Variants in CTU1 observed in about 807,000 individuals in gnomAD.
The protein encoded by CTU1 is cytoplasmic tRNA 2-thiolation protein 1.
In CTU1, 15 loss-of-function variants were observed where a neutral mutation model predicts 12.9. That is an observed-to-expected ratio of 1.16 (90% CI 0.78 to 1.79). The LOEUF is 1.79. CTU1 is among the 40% of genes most tolerant of loss of function. The pLI, the probability that CTU1 is intolerant of heterozygous loss-of-function variation, is 0.00. For missense variants in CTU1, 553 were observed against 550.5 expected (o/e 1.00, Z -0.05); for synonymous variants, 295 against 275.6 (o/e 1.07, Z -0.70).
At position 51,108,091 on chromosome 19, in the gene CTU1, G is replaced by A. The variant is rs966524459; in HGVS notation, c.-22+256C>T. 6.6e-6 allele frequency among the ~76,000 whole-genome samples: 1 copy of A among 152,120 alleles called. No homozygotes were observed. Among genetic ancestry groups the A allele is most frequent in the Non-Finnish European group, 1.5e-5 (1 of 68,024 alleles). On this transcript the variant is annotated intron_variant, in intron 1 of 2. Transcript: ENST00000421832. This position sits in a 1 kb window ranked among gnomAD's most constrained non-coding sequence, Gnocchi z 4.5. ...AGGACAGATAATGTGTGGCATGGGG[G>A]CGGGGACAGGCAGATAGTAACATAG...
chr19:51,104,661 T>A, intron 1 of CTU1, 71 bp from the exon 2 acceptor site: 1 of 1,124,550 alleles, frequency 8.9e-7, no homozygotes, highest in Non-Finnish European at 1.1e-6. Context: ...ATCGGGGAGA[T>A]TGTCTGGATT....
chr19:51,099,156 G>C lies in CTU1; in HGVS notation c.509-17C>G. The C allele has an allele frequency of 6.4e-7, 1 of 1,565,638 alleles. No homozygotes were observed. The highest frequency in any genetic ancestry group is 1.4e-5 in the African/African-American group (1 of 73,172). On this transcript the variant is annotated splice_polypyrimidine_tract_variant and intron_variant, in intron 2 of 2. Coordinates refer to ENST00000421832, the MANE Select transcript of CTU1 (RefSeq NM_145232.4). Reference sequence around the variant, plus strand: ...CGTTGTGACCTGGTGGGGAGAGAAGGGAGCGGGTGAGGTGGGGCGCGGAGG... The same window carrying C: ...CGTTGTGACCTGGTGGGGAGAGAAGCGAGCGGGTGAGGTGGGGCGCGGAGG...
chr19:51,104,231 GAGCGGCAGCTCCCAGCGC>G lies in CTU1; in HGVS notation c.321_338del (p.Arg108_Leu113del). The G allele has an allele frequency of 6.6e-7, 1 of 1,515,638 alleles. No individual in the cohort carries two copies. Among genetic ancestry groups the G allele is most frequent in the Non-Finnish European group, 8.8e-7 (1 of 1,138,098 alleles). The allele number at this position is 1,515,638 out of a possible 1,614,324, so 93.9% of individuals were successfully genotyped here. On this transcript the variant is annotated inframe_deletion, in exon 2 of 3. Transcript: ENST00000421832. ...AGAGGTCTTCGTAGGCCACGACCGT[GAGCGGCAGCTCCCAGCGC>G]GCCGCCTGGCGCCGCACGGCCGCCA...
rs554596578 is a variant in CTU1, at chr19:51,104,178, G to A, written c.392C>T (p.Ala131Val). Residue 131 changes from alanine (A) to valine (V), a missense_variant, in exon 2 of 3, where the codon GCC becomes GTC. Around this residue, in one of 2 missense-constraint regions of CTU1, gnomAD observed 500 missense variants for 458.5 expected, o/e 1.09. Coordinates refer to ENST00000421832, the MANE Select transcript of CTU1 (RefSeq NM_145232.4). ...GCGGCCGGAGCCGGCTGTGCTGCGGGCCACGGCGTCCATCGTCCAGCCCCC... is the reference window on the plus strand; with the variant it reads ...GCGGCCGGAGCCGGCTGTGCTGCGGACCACGGCGTCCATCGTCCAGCCCCC... ...LFGGWTMDAV[A>V]RSTAGSGRSR... The A allele has an allele frequency of 3.5e-5, 54 of 1,522,336 alleles. No individual in the cohort carries two copies. The highest frequency in any genetic ancestry group is 2.2e-4 in the South Asian group (18 of 82,432). 94.3% of individuals were successfully genotyped at this position (1,522,336 alleles called of 1,614,324 possible).
chr19:51,099,660 C>T (rs575604974), intron 2 of CTU1, among the ~76,000 whole-genome samples: 1 of 152,236 alleles, frequency 6.6e-6, no homozygotes, highest in Admixed American at 6.5e-5. Context: ...CCTTATCAGC[C>T]TCAGTTAAAA....
In CTU1 at chr19:51,099,477, G is replaced by A. The variant is rs140540300; in HGVS notation, c.509-338C>T. On this transcript the variant is annotated intron_variant, in intron 2 of 2. Transcript: ENST00000421832. The stretch of plus-strand genomic sequence containing the variant: ...GAGCCATGGAGACCCTCCGGGAACC[G>A]TGAAGCAGCCAGGTGCAGGCTGCAG... 3.5e-3 allele frequency among the ~76,000 whole-genome samples: 534 copies of A among 152,128 alleles called. 8 individuals carry two copies. The highest frequency in any genetic ancestry group is 0.016 in the South Asian group (78 of 4,822).
chr19:51,098,925 G>C lies in CTU1; in HGVS notation c.723C>G (p.Pro241=), dbSNP rs760861700. The C allele has an allele frequency of 5.2e-6, 8 of 1,530,272 alleles. 1 individual carries two copies. The Admixed American group carries it at 5.5e-5, about 10-fold the overall frequency. 94.8% of individuals were successfully genotyped at this position (1,530,272 alleles called of 1,614,324 possible). A position where few individuals can be genotyped will look rare whatever the true frequency, so the allele number is the denominator to read the frequency against. ...DYFSEECVYA[P]EAFRGHARDL... is the part of the protein sequence containing the mutation. ...CCCGGGCGTGGCCGCGGAAGGCCTC[G>C]GGCGCGTAGACGCACTCCTCGGAGA... Residue 241 remains proline (P), a synonymous_variant, in exon 3 of 3, where the codon CCC becomes CCG. Transcript: ENST00000421832. The surrounding 1 kb of genome is among the most constrained non-coding windows in gnomAD (Gnocchi z 4.3).
At position 51,099,060 on chromosome 19, in the gene CTU1, C is replaced by T; in HGVS notation, c.588G>A (p.Gly196=). Residue 196 remains glycine (G), a synonymous_variant, in exon 3 of 3, where the codon GGG becomes GGA. Transcript: ENST00000421832. Reference sequence around the variant, plus strand: ...CCCCCTCGCCGGGAGAGCCCAGGCCCCCGCCCCGGGCCAGCCGCCCCGCGT... The same window carrying T: ...CCCCCTCGCCGGGAGAGCCCAGGCCTCCGCCCCGGGCCAGCCGCCCCGCGT... The part of the protein sequence containing the change: ...RGDAGRLARG[G]GLGSPGEGGA... The T allele has an allele frequency of 6.6e-7, 1 of 1,518,506 alleles. No individual in the cohort carries two copies. Among genetic ancestry groups the T allele is most frequent in the Non-Finnish European group, 8.8e-7 (1 of 1,138,420 alleles). 94.1% of individuals were successfully genotyped at this position (1,518,506 alleles called of 1,614,324 possible).
intron 2 of CTU1, 60 bp from the exon 3 acceptor site, chr19:51,099,199 G>GC: frequency 1.1e-5 from 16 of 1,453,074 alleles, no homozygotes; most frequent in African/African-American, 1.4e-5. Flanking sequence ...TGGCCAGGGA[G>GC]CCCCCCGGGG....
Position 51,104,255 on chromosome 19 carries a change from C to G in CTU1, c.315G>C (p.Gln105His), listed in dbSNP as rs1357784653. The change falls in exon 2 of 3, where the codon CAG (glutamine) becomes CAC (histidine). Residue 105 changes from glutamine (Q) to histidine (H), a missense_variant. By Grantham distance (24) the Gln-to-His change is conservative. Around this residue, in one of 2 missense-constraint regions of CTU1, gnomAD observed 500 missense variants for 458.5 expected, o/e 1.09. Coordinates refer to ENST00000421832, the MANE Select transcript of CTU1 (RefSeq NM_145232.4). The stretch of plus-strand genomic sequence containing the variant: ...TGAGCGGCAGCTCCCAGCGCGCCGC[C>G]TGGCGCCGCACGGCCGCCAACGCCG... ...RDAALAAVRR[Q>H]AARWELPLTV... 6.6e-7 allele frequency: 1 copy of G among 1,508,460 alleles called. No individual in the cohort carries two copies. The highest frequency in any genetic ancestry group is 8.8e-7 in the Non-Finnish European group (1 of 1,134,492). 93.4% of individuals were successfully genotyped at this position (1,508,460 alleles called of 1,614,324 possible). A position where few individuals can be genotyped will look rare whatever the true frequency, so the allele number is the denominator to read the frequency against.
chr19:51,098,844 G>T lies in CTU1; in HGVS notation c.804C>A (p.His268Gln), dbSNP rs2091898848. 2.4e-6 allele frequency: 3 copies of T among 1,248,930 alleles called. No individual in the cohort carries two copies. Among genetic ancestry groups the T allele is most frequent in the Non-Finnish European group, 3.0e-6 (3 of 988,116 alleles). The allele number at this position is 1,248,930 out of a possible 1,614,324, so 77.4% of individuals were successfully genotyped here. A position where few individuals can be genotyped will look rare whatever the true frequency, so the allele number is the denominator to read the frequency against. ...ARPSAVLDLV[H>Q]SAERLALAPA... ...GGGCCAGCGCCAGGCGCTCGGCCGA[G>T]TGCACGAGGTCCAGCACCGCGGACG... Residue 268 changes from histidine (H) to glutamine (Q), a missense_variant, in exon 3 of 3, where the codon CAC (histidine) becomes CAA (glutamine). His to Gln is a conservative substitution (Grantham distance 24). This residue lies in a region of CTU1 where 500 missense variants were observed against 458.5 expected (regional missense o/e 1.09). Transcript: ENST00000421832. This position sits in a 1 kb window ranked among gnomAD's most constrained non-coding sequence, Gnocchi z 4.3.
intron 2 of CTU1, among the ~76,000 whole-genome samples, chr19:51,102,630 C>T (rs996230823): frequency 6.6e-6 from 1 of 152,204 alleles, no homozygotes; most frequent in African/African-American, 2.4e-5. Context: ...CCAGGTTCCT[C>T]GCCATGGCCT....
Position 51,104,488 on chromosome 19 carries a change from C to A in CTU1, c.82G>T (p.Ala28Ser). 7.6e-7 allele frequency: 1 copy of A among 1,315,544 alleles called. No homozygotes were observed. Among genetic ancestry groups the A allele is most frequent in the Non-Finnish European group, 9.7e-7 (1 of 1,035,106 alleles). The allele number at this position is 1,315,544 out of a possible 1,614,324, so 81.5% of individuals were successfully genotyped here. The change falls in exon 2 of 3, where the codon GCC becomes TCC. Residue 28 changes from alanine to serine, a missense_variant. This residue lies in a region of CTU1 where 500 missense variants were observed against 458.5 expected (regional missense o/e 1.09). Coordinates refer to ENST00000421832, the MANE Select transcript of CTU1 (RefSeq NM_145232.4). ...RPLSGQALCG[A>S]CFCAAFEAEV... Reference sequence around the variant, plus strand: ...GCCTCGAAGGCGGCGCAGAAGCAGGCACCGCACAGCGCTTGGCCCGAGAGC... The same window carrying A: ...GCCTCGAAGGCGGCGCAGAAGCAGGAACCGCACAGCGCTTGGCCCGAGAGC...
chr19:51,099,083 C>A lies in CTU1; in HGVS notation c.565G>T (p.Ala189Ser). Reference sequence around the variant, plus strand: ...CCCCCGCCCCGGGCCAGCCGCCCCGCGTCGCCCCGTAGGAAGTTCATGAGC... The same window carrying A: ...CCCCCGCCCCGGGCCAGCCGCCCCGAGTCGCCCCGTAGGAAGTTCATGAGC... ...TVLMNFLRGD[A>S]GRLARGGGLG... Residue 189 changes from alanine to serine, a missense_variant, in exon 3 of 3, where the codon GCG (alanine) becomes TCG (serine). This residue lies in a region of CTU1 where 500 missense variants were observed against 458.5 expected (regional missense o/e 1.09). Coordinates refer to ENST00000421832, the MANE Select transcript of CTU1 (RefSeq NM_145232.4). 2 of 1,539,198 alleles carry A rather than the reference C, an allele frequency of 1.3e-6. No individual in the cohort carries two copies. The highest frequency in any genetic ancestry group is 1.7e-6 in the Non-Finnish European group (2 of 1,150,614).
chr19:51,104,488 C>G lies in CTU1; in HGVS notation c.82G>C (p.Ala28Pro). ...RPLSGQALCGACFCAAFEAEV... is the reference protein window; with the variant it reads ...RPLSGQALCGPCFCAAFEAEV... The stretch of plus-strand genomic sequence containing the variant: ...GCCTCGAAGGCGGCGCAGAAGCAGG[C>G]ACCGCACAGCGCTTGGCCCGAGAGC... The change falls in exon 2 of 3, where the codon GCC becomes CCC. Residue 28 changes from alanine to proline, a missense_variant. Physicochemically the swap from Ala to Pro is conservative, Grantham distance 27. Transcript: ENST00000421832. 1 of 1,315,544 alleles carries G rather than the reference C, an allele frequency of 7.6e-7. No individual in the cohort carries two copies. The highest frequency in any genetic ancestry group is 9.7e-7 in the Non-Finnish European group (1 of 1,035,106). The allele number at this position is 1,315,544 out of a possible 1,614,324, so 81.5% of individuals were successfully genotyped here.
At chr19:51,101,131 A>G (rs1053079559) in intron 2 of CTU1, among the ~76,000 whole-genome samples, 3 of 152,026 alleles carry the variant, frequency 2.0e-5, no homozygotes, top group African/African-American at 7.3e-5. Flanking sequence ...TTCTATACAG[A>G]CGCAGTTTCT....
chr19:51,106,498 TTTTAA>T (rs144633689), intron 1 of CTU1, among the ~76,000 whole-genome samples: 50,595 of 150,542 alleles, frequency 0.34, 9,786 homozygotes, highest in East Asian at 0.77. Context: ...TTTTAAAGAT[TTTTAA>T]TTTAATTTAA....
intron 2 of CTU1, among the ~76,000 whole-genome samples, chr19:51,103,533 C>T (rs978093813): frequency 1.4e-5 from 2 of 144,576 alleles, no homozygotes; most frequent in African/African-American, 5.2e-5. Flanking sequence ...TGCAGTAAGC[C>T]GAGATCGCAC....
intron 2 of CTU1, among the ~76,000 whole-genome samples, chr19:51,099,539 C>T (rs912789519): frequency 2.6e-5 from 4 of 152,156 alleles, no homozygotes; most frequent in African/African-American, 9.7e-5. Context: ...AACATAAGCT[C>T]CCCTGGCGCA....
Sources: allele counts gnomAD v4.1 joint callset (sites outside exome capture counted in the v4.1 genomes callset), GRCh38; gene constraint gnomAD v4.1.1; regional missense constraint gnomAD v4.1.1; non-coding constraint Gnocchi (gnomAD v3.1); transcripts MANE v1.5; gene names NCBI Gene and HGNC (gene_info 2026-07-23, HGNC 2026-07-21).